Variants in BBS9 observed in about 807,000 individuals in gnomAD.
BBS9 encodes the protein Bardet-Biedl syndrome 9.
A neutral mutation model predicts 117.7 loss-of-function variants in BBS9; 89 were observed. The observed-to-expected ratio is 0.76, with a 90% CI of 0.64 to 0.90. The LOEUF is 0.90. Ranked by LOEUF, BBS9 falls within the 40% of genes least tolerant of loss-of-function variation. BBS9 has a pLI of 0.00. For synonymous variants in BBS9, 379 were observed against 370.9 expected, an observed-to-expected ratio of 1.02 and a Z score of -0.25; for missense variants, 982 against 1,042.2, an observed-to-expected ratio of 0.94 and a Z score of 0.80.
intron 9 of BBS9, among the ~76,000 whole-genome samples, chr7:33,295,171 A>G (rs1425220434): frequency 6.6e-6 from 1 of 152,178 alleles, no homozygotes; most frequent in Admixed American, 6.5e-5. Flanking sequence ...TATTCATAAT[A>G]TTAGAGAAAA....
intron 9 of BBS9, among the ~76,000 whole-genome samples, chr7:33,280,930 T>TTTTTTTTTTA: frequency 7.3e-6 from 1 of 137,306 alleles, no homozygotes; most frequent in Non-Finnish European, 1.6e-5. Flanking sequence ...TTTTTTTTTT[T>TTTTTTTTTTA]GCATTATAGA....
At chr7:33,142,926 G>A (rs957345708) in intron 1 of BBS9, among the ~76,000 whole-genome samples, 8 of 151,940 alleles carry the variant, frequency 5.3e-5, no homozygotes, top group Middle Eastern at 3.4e-3. Context: ...TAATTCTTTT[G>A]GATATCCACC....
chr7:33,178,608 CTA>C (rs1208020542), intron 5 of BBS9, among the ~76,000 whole-genome samples: 2 of 152,146 alleles, frequency 1.3e-5, no homozygotes, highest in Non-Finnish European at 2.9e-5. Flanking sequence ...GCATATGTAT[CTA>C]TGTTCCTGTG....
chr7:33,591,749 C>G (rs895866533), intron 21 of BBS9, among the ~76,000 whole-genome samples: 3 of 151,996 alleles, frequency 2.0e-5, no homozygotes, highest in African/African-American at 7.2e-5. Context: ...ACCCTTTTAT[C>G]TTAATGTTTC....
At chr7:33,495,500 C>T (rs1367581282) in intron 19 of BBS9, among the ~76,000 whole-genome samples, 1 of 152,190 alleles carries the variant, frequency 6.6e-6, no homozygotes, top group African/African-American at 2.4e-5. Flanking sequence ...ATAACTGTGG[C>T]ATTCTCCAGG....
chr7:33,148,248 C>A (rs1792728138), intron 2 of BBS9, among the ~76,000 whole-genome samples: 1 of 152,010 alleles, frequency 6.6e-6, no homozygotes, highest in Non-Finnish European at 1.5e-5. Flanking sequence ...GCTCTGAGAA[C>A]AGGTGAAAAT....
intron 1 of BBS9, among the ~76,000 whole-genome samples, chr7:33,141,009 T>C (rs945050920): frequency 1.3e-5 from 2 of 152,188 alleles, no homozygotes; most frequent in African/African-American, 4.8e-5. Flanking sequence ...TAGACTCACT[T>C]AGAAGTTGCA....
intron 21 of BBS9, among the ~76,000 whole-genome samples, chr7:33,571,215 T>C (rs112931238): frequency 2.0e-5 from 3 of 152,178 alleles, no homozygotes; most frequent in Non-Finnish European, 2.9e-5. Context: ...ATATGCTCTA[T>C]GGTCTCTTCC....
At chr7:33,593,468 T>C (rs949165638) in intron 21 of BBS9, among the ~76,000 whole-genome samples, 9 of 150,914 alleles carry the variant, frequency 6.0e-5, no homozygotes, top group African/African-American at 2.2e-4. Context: ...TGTGTGTCTT[T>C]CCTAGTGCTC....
chr7:33,524,880 G>T (rs1287398231), intron 20 of BBS9, among the ~76,000 whole-genome samples: 1 of 152,130 alleles, frequency 6.6e-6, no homozygotes, highest in Non-Finnish European at 1.5e-5. Flanking sequence ...TCTCTTGTGG[G>T]CATTTAGTGC....
rs112260018 is a variant in BBS9 at position 33,578,384 on chromosome 7, C to T, written c.2522-26481C>T. 8.7e-4 allele frequency among the ~76,000 whole-genome samples: 132 copies of T among 152,328 alleles called. 1 individual carries two copies. The Middle Eastern group carries it at 0.01, about 12-fold the overall frequency. On this transcript the variant is annotated intron_variant, in intron 21 of 22. Coordinates refer to ENST00000242067, the MANE Select transcript of BBS9 (RefSeq NM_198428.3). ...GGACACTCCCAAGTGGGATGACTTGCGATCCCAGAAATCACAATAGTTGTT... is the reference window on the plus strand; with the variant it reads ...GGACACTCCCAAGTGGGATGACTTGTGATCCCAGAAATCACAATAGTTGTT...
chr7:33,388,116 A>G lies in BBS9; in HGVS notation c.2087A>G (p.Asp696Gly). The change falls in exon 19 of 23, where the codon GAC becomes GGC. Residue 696 changes from aspartate to glycine, a missense_variant. Asp to Gly is a moderately conservative substitution (Grantham distance 94, BLOSUM62 -1). Transcript: ENST00000242067. ...DKTPAPLQHL[D>G]TLLDGTYKQV... The stretch of plus-strand genomic sequence containing the variant: ...ACTCCTGCCCCTCTTCAACACCTGG[A>G]CACCTTGTTAGATGGAACCTACAAG... The G allele has an allele frequency of 6.2e-7, 1 of 1,614,170 alleles. No individual in the cohort carries two copies. Among genetic ancestry groups the G allele is most frequent in the Non-Finnish European group, 8.5e-7 (1 of 1,180,002 alleles).
At chr7:33,592,262 C>T (rs1258285279) in intron 21 of BBS9, among the ~76,000 whole-genome samples, 2 of 151,994 alleles carry the variant, frequency 1.3e-5, no homozygotes, top group Non-Finnish European at 2.9e-5. Context: ...CTGTGCCGGG[C>T]ATTGTGATGA....
chr7:33,137,621 T>C (rs1282101447), intron 1 of BBS9, among the ~76,000 whole-genome samples: 1 of 152,170 alleles, frequency 6.6e-6, no homozygotes, highest in Non-Finnish European at 1.5e-5. Context: ...GTTTGTGGTT[T>C]CTTAATTTCT....
chr7:33,352,934 T>C, intron 15 of BBS9, 61 bp downstream of exon 15: 2 of 1,528,322 alleles, frequency 1.3e-6, no homozygotes, highest in Non-Finnish European at 9.1e-7. Flanking sequence ...ATGAATTGAA[T>C]TGGTATTATA....
chr7:33,366,539 C>CTTTT (rs1821766833), intron 16 of BBS9, among the ~76,000 whole-genome samples: 1 of 100,708 alleles, frequency 9.9e-6, no homozygotes. Context: ...TTTTTCTTTT[C>CTTTT]TTTCTTTTTT....
intron 16 of BBS9, among the ~76,000 whole-genome samples, chr7:33,360,111 A>G (rs1430705603): frequency 6.6e-6 from 1 of 152,166 alleles, no homozygotes; most frequent in East Asian, 1.9e-4. Flanking sequence ...ATAAATCCAT[A>G]CTATAAAATC....
intron 19 of BBS9, among the ~76,000 whole-genome samples, chr7:33,406,804 G>A (rs866286426): frequency 3.3e-5 from 5 of 152,248 alleles, no homozygotes; most frequent in South Asian, 2.1e-4. Context: ...CAAGAGATCC[G>A]CTGTTAGTCT....
Position 33,363,092 on chromosome 7 carries a change from T to G in BBS9, c.1694-4675T>G, listed in dbSNP as rs1008216200. ...TTTCAGATTGTTCTTTGCTAATACATAGAAATACAATTTATTTTATTTTCT... is the reference window on the plus strand; with the variant it reads ...TTTCAGATTGTTCTTTGCTAATACAGAGAAATACAATTTATTTTATTTTCT... On this transcript the variant is annotated intron_variant, in intron 16 of 22. Coordinates refer to ENST00000242067, the MANE Select transcript of BBS9 (RefSeq NM_198428.3). 3.3e-5 allele frequency among the ~76,000 whole-genome samples: 5 copies of G among 152,148 alleles called. No homozygotes were observed. The East Asian group carries it at 9.6e-4, about 29-fold the overall frequency.
Sources: allele counts gnomAD v4.1 joint callset (sites outside exome capture counted in the v4.1 genomes callset), GRCh38; gene constraint gnomAD v4.1.1; transcripts MANE v1.5; gene names NCBI Gene and HGNC (gene_info 2026-07-23, HGNC 2026-07-21).